The following SMARCD3 variants were observed in gnomAD, a reference collection of about 807,000 sequenced individuals.
SMARCD3 encodes SWI/SNF related BAF chromatin remodeling complex subunit D3.
In SMARCD3, 14 loss-of-function variants were observed where a neutral mutation model predicts 58.0. That is an observed-to-expected ratio of 0.24 (90% CI 0.16 to 0.38). SMARCD3 has a LOEUF of 0.38. Ranked by LOEUF, SMARCD3 falls within the 10% of genes least tolerant of loss-of-function variation. The pLI is 1.00. For synonymous variants in SMARCD3, 253 were observed against 253.8 expected, an observed-to-expected ratio of 1.00 and a Z score of 0.03; for missense variants, 408 against 636.9, an observed-to-expected ratio of 0.64 and a Z score of 3.87.
rs1803384280 is a variant in SMARCD3, at chr7:151,248,473, T to C, written c.78+12A>G. The C allele has an allele frequency of 1.2e-6, 2 of 1,606,886 alleles. No homozygotes were observed. Among genetic ancestry groups the C allele is most frequent in the Non-Finnish European group, 1.7e-6 (2 of 1,174,564 alleles). ...CTCGCTTGCCCTCCCCCGCTAACTT[T>C]CCCCCACTCACCACCCCATGGACCA... On this transcript the variant is annotated intron_variant, in intron 1 of 12. Transcript: ENST00000262188. This position sits in a 1 kb window ranked among gnomAD's most constrained non-coding sequence, Gnocchi z 6.1.
At chr7:151,255,956 C>T (rs1236455756) in intron 2 of SMARCD3, among the ~76,000 whole-genome samples, 1 of 151,890 alleles carries the variant, frequency 6.6e-6, no homozygotes, top group Non-Finnish European at 1.5e-5. Flanking sequence ...TCTCGGCTCA[C>T]TGCAACCTCC....
intron 2 of SMARCD3, among the ~76,000 whole-genome samples, chr7:151,266,067 T>C (rs1804069813): frequency 6.6e-6 from 1 of 152,146 alleles, no homozygotes; most frequent in Non-Finnish European, 1.5e-5. Context: ...CCTCCTGGTT[T>C]CAAGCGATTC....
At chr7:151,263,266 T>TA (rs1040854902) in intron 2 of SMARCD3, among the ~76,000 whole-genome samples, 1 of 151,510 alleles carries the variant, frequency 6.6e-6, no homozygotes, top group African/African-American at 2.4e-5. Flanking sequence ...TTTTTTTAAT[T>TA]AAAAAAATGC....
intron 2 of SMARCD3, among the ~76,000 whole-genome samples, chr7:151,259,612 T>TTG (rs1554490152): frequency 8.7e-6 from 1 of 114,298 alleles, no homozygotes; most frequent in African/African-American, 3.7e-5. Flanking sequence ...TTTTTTTTTT[T>TTG]TTTTTTTTTT....
chr7:151,276,809 G>A (rs537389714), upstream of SMARCD3: 2 of 133,562 alleles, frequency 1.5e-5, no homozygotes, highest in East Asian at 2.4e-4. Context: ...AGGAGAAGGA[G>A]GGGGGATGCC....
In SMARCD3 at chr7:151,239,768, C is replaced by G; in HGVS notation, c.1174-22G>C. The G allele has an allele frequency of 6.2e-7, 1 of 1,612,908 alleles. No individual in the cohort carries two copies. The highest frequency in any genetic ancestry group is 2.2e-5 in the East Asian group (1 of 44,820). ...GGATCTGCAGGTAGAAAGATAGATG[C>G]TTTCCACCTGGCTTTGGTGATGTGG... On this transcript the variant is annotated intron_variant, in intron 10 of 12. Transcript: ENST00000262188. This position sits in a 1 kb window ranked among gnomAD's most constrained non-coding sequence, Gnocchi z 7.0.
intron 2 of SMARCD3, among the ~76,000 whole-genome samples, chr7:151,270,499 A>T (rs1269934200): frequency 6.6e-6 from 1 of 152,198 alleles, no homozygotes; most frequent in East Asian, 1.9e-4. Context: ...GAGCCCTGCA[A>T]CTCAGTATTA....
rs13237074 is a variant in SMARCD3 at position 151,243,489 on chromosome 7, C to T, written c.333+170G>A. Among the ~76,000 whole-genome samples, 4 of 152,170 alleles carry T rather than the reference C, an allele frequency of 2.6e-5. No homozygotes were observed. Among genetic ancestry groups the T allele is most frequent in the Non-Finnish European group, 5.9e-5 (4 of 68,018 alleles). On this transcript the variant is annotated intron_variant, in intron 3 of 12. Coordinates refer to ENST00000262188, the MANE Select transcript of SMARCD3 (RefSeq NM_001003801.2). The surrounding 1 kb of genome is among the most constrained non-coding windows in gnomAD (Gnocchi z 4.4). ...TGGCCCCAGTGGCTCTGCTGCTTCC[C>T]TCCACCTCACCCCCTCCCTCTGGCC...
At chr7:151,247,584 G>T (rs540539864) in intron 1 of SMARCD3, among the ~76,000 whole-genome samples, 2 of 152,198 alleles carry the variant, frequency 1.3e-5, no homozygotes, top group East Asian at 3.9e-4. Context: ...GTCTTCCTTG[G>T]GGTCACAACC....
intron 2 of SMARCD3, among the ~76,000 whole-genome samples, chr7:151,264,226 T>A (rs889265023): frequency 5.3e-5 from 8 of 151,926 alleles, no homozygotes; most frequent in East Asian, 1.9e-4. Flanking sequence ...ACCTGGCTAA[T>A]TTTTATATTT....
intron 2 of SMARCD3, among the ~76,000 whole-genome samples, chr7:151,262,481 C>A (rs895860368): frequency 6.6e-6 from 1 of 152,244 alleles, no homozygotes; most frequent in Non-Finnish European, 1.5e-5. Flanking sequence ...AAAAGTAGGG[C>A]CTCCTCCCAC....
At chr7:151,269,051 T>C (rs1319490436) in intron 2 of SMARCD3, among the ~76,000 whole-genome samples, 4 of 152,136 alleles carry the variant, frequency 2.6e-5, no homozygotes, top group Admixed American at 2.6e-4. Context: ...GTGGGGGCTG[T>C]GATGGCAGGT....
chr7:151,254,124 C>T (rs1282366034), intron 2 of SMARCD3, among the ~76,000 whole-genome samples: 1 of 152,170 alleles, frequency 6.6e-6, no homozygotes, highest in Non-Finnish European at 1.5e-5. Flanking sequence ...GGAGCCATCT[C>T]TGGCTCCACT....
chr7:151,253,187 C>G (rs528347210), upstream of SMARCD3, among the ~76,000 whole-genome samples: 6 of 152,234 alleles, frequency 3.9e-5, no homozygotes, highest in Non-Finnish European at 8.8e-5. Flanking sequence ...GGAGCTGTGC[C>G]GGGAAGCAGA....
At chr7:151,275,302 C>T (rs1199748804) in intron 1 of SMARCD3, 5 of 694,042 alleles carry the variant, frequency 7.2e-6, no homozygotes, top group Admixed American at 6.9e-5. Context: ...AAGGAGGCCT[C>T]GGGAAGCTGC....
At chr7:151,251,540 C>T (rs940906904), upstream of SMARCD3, among the ~76,000 whole-genome samples, 34 of 152,246 alleles carry the variant, frequency 2.2e-4, no homozygotes, top group African/African-American at 7.0e-4. Flanking sequence ...GCCAGGGCTC[C>T]CTCCTCACAA....
At chr7:151,275,025 T>C in intron 2 of SMARCD3, 5 of 1,045,338 alleles carry the variant, frequency 4.8e-6, no homozygotes, top group South Asian at 1.3e-5. Flanking sequence ...GAGGGGGCCA[T>C]GTGGTGGGAG....
At chr7:151,276,183 G>A (rs1433641505) in intron 1 of SMARCD3, among the ~76,000 whole-genome samples, 2 of 151,644 alleles carry the variant, frequency 1.3e-5, no homozygotes, top group Non-Finnish European at 2.9e-5. Context: ...GGGACAGAGG[G>A]ACAACCTGAA....
chr7:151,258,341 G>A (rs1343375799), intron 2 of SMARCD3, among the ~76,000 whole-genome samples: 1 of 151,996 alleles, frequency 6.6e-6, no homozygotes, highest in African/African-American at 2.4e-5. Context: ...GAGGCAGGTG[G>A]ATCATTTGAG....
Sources: gnomAD v4.1 joint callset for allele counts (sites outside exome capture counted in the v4.1 genomes callset) on GRCh38, gnomAD v4.1.1 for gene constraint, Gnocchi (gnomAD v3.1) non-coding constraint, MANE v1.5 for transcripts, NCBI Gene and HGNC (gene_info 2026-07-23, HGNC 2026-07-21) for gene names.